CDHR2: variants seen among roughly 807,000 people sequenced by gnomAD.
The protein encoded by CDHR2 is cadherin related family member 2.
Under a neutral mutation model 138.6 loss-of-function variants are expected in CDHR2, and 104 were observed. That is an observed-to-expected ratio of 0.75 (90% CI 0.64 to 0.88). CDHR2 has a LOEUF of 0.88. Ranked by LOEUF, CDHR2 falls within the 40% of genes least tolerant of loss-of-function variation. The pLI, the probability that CDHR2 is intolerant of heterozygous loss-of-function variation, is 0.00. For synonymous variants in CDHR2, 755 were observed against 742.8 expected (o/e 1.02, Z -0.27); for missense variants, 1,624 against 1,727.6 (o/e 0.94, Z 1.06).
At chr5:176,578,725 T>G in intron 16 of CDHR2, 117 bp downstream of exon 16, 1 of 1,372,404 alleles carries the variant, frequency 7.3e-7, no homozygotes, top group Non-Finnish European at 9.9e-7. Flanking sequence ...AGACAGTCAC[T>G]CAGAGTCTCT....
intron 3 of CDHR2, chr5:176,566,984 G>A (rs1206447285): frequency 8.8e-6 from 4 of 456,154 alleles, no homozygotes; most frequent in Non-Finnish European, 1.8e-5. Context: ...GCTGCCAGAT[G>A]AAACAAGAGA....
chr5:176,592,811 G>A, intron 31 of CDHR2, 31 bp downstream of exon 31: 1 of 1,603,078 alleles, frequency 6.2e-7, no homozygotes, highest in Non-Finnish European at 8.5e-7. Flanking sequence ...GTGCCTGGAG[G>A]TTCCAACTTG....
rs780441732 is a variant in CDHR2, at chr5:176,577,687, C to G, written c.1401C>G (p.Thr467=). ...VSQNFSVAMV[T]IHLRDINDHR... ...AGAACTTCTCCGTCGCCATGGTGAC[C>G]ATCCACCTTAGAGACATTAATGACC... Residue 467 remains threonine, a synonymous_variant, in exon 14 of 32, where the codon ACC becomes ACG. Transcript: ENST00000261944. 4 of 1,614,230 alleles carry G rather than the reference C, an allele frequency of 2.5e-6. No individual in the cohort carries two copies. The South Asian group carries it at 4.4e-5, about 18-fold the overall frequency.
intron 31 of CDHR2, 73 bp from the exon 32 acceptor site, chr5:176,595,459 C>A: frequency 7.0e-7 from 1 of 1,433,192 alleles, no homozygotes; most frequent in Non-Finnish European, 9.2e-7. Context: ...TGAAGCCCAT[C>A]CACTCCCCTA....
Position 176,584,639 on chromosome 5 carries a change from G to C in CDHR2, c.2358G>C (p.Gln786His), listed in dbSNP as rs767884675. ...TGAGTGCTGAGAACCCAGACCCCCA[G>C]GGGGGTGAGACCATAGTAGACGTCT... is the stretch of plus-strand genomic sequence containing the variant. ...LTVSAENPDP[Q>H]GGETIVDVCV... The change falls in exon 19 of 32, where the codon CAG (glutamine) becomes CAC (histidine). Residue 786 changes from glutamine (Q) to histidine (H), a missense_variant. Physicochemically the swap from Gln to His is conservative, Grantham distance 24. Around this residue, in one of 3 missense-constraint regions of CDHR2, gnomAD observed 1,061 missense variants for 1,136.6 expected, o/e 0.93. Coordinates refer to ENST00000261944, the MANE Select transcript of CDHR2 (RefSeq NM_017675.6). 3.5e-5 allele frequency: 56 copies of C among 1,611,272 alleles called. No homozygotes were observed. The highest frequency in any genetic ancestry group is 4.6e-5 in the Non-Finnish European group (54 of 1,178,002).
chr5:176,579,262 G>A (rs1013608023), intron 16 of CDHR2, among the ~76,000 whole-genome samples: 4 of 152,224 alleles, frequency 2.6e-5, no homozygotes, highest in Non-Finnish European at 4.4e-5. Context: ...GAGCCCTCCC[G>A]TCTTTCCAGG....
chr5:176,591,326 G>A lies in CDHR2; in HGVS notation c.3653+3G>A. On this transcript the variant is annotated splice_donor_region_variant and intron_variant, in intron 29 of 31. Coordinates refer to ENST00000261944, the MANE Select transcript of CDHR2 (RefSeq NM_017675.6). Reference sequence around the variant, plus strand: ...ACTAACATGTACAACACTGAGCGGTGAGCAGGGGTCAAAGGGTAGGTAAGA... The same window carrying A: ...ACTAACATGTACAACACTGAGCGGTAAGCAGGGGTCAAAGGGTAGGTAAGA... 1.9e-6 allele frequency: 3 copies of A among 1,612,932 alleles called. No individual in the cohort carries two copies. Among genetic ancestry groups the A allele is most frequent in the South Asian group, 2.2e-5 (2 of 91,034 alleles).
chr5:176,558,469 C>T (rs1269088032), intron 1 of CDHR2, among the ~76,000 whole-genome samples: 1 of 149,968 alleles, frequency 6.7e-6, no homozygotes, highest in Non-Finnish European at 1.5e-5. Flanking sequence ...CTGCAACCTC[C>T]GCCTCCCAGG....
chr5:176,591,516 G>A, intron 30 of CDHR2, 32 bp downstream of exon 30: 1 of 1,513,412 alleles, frequency 6.6e-7, no homozygotes, highest in Non-Finnish European at 9.2e-7. Context: ...CAGGCTAGGT[G>A]GTGGTGGTGG....
chr5:176,550,689 G>A (rs905054166), intron 1 of CDHR2, among the ~76,000 whole-genome samples: 5 of 152,204 alleles, frequency 3.3e-5, no homozygotes, highest in Non-Finnish European at 7.4e-5. Flanking sequence ...TAGCGGTGGC[G>A]GTGCTGGGGG....
intron 7 of CDHR2, among the ~76,000 whole-genome samples, chr5:176,574,626 G>T (rs1758320849): frequency 6.6e-6 from 1 of 152,168 alleles, no homozygotes; most frequent in African/African-American, 2.4e-5. Flanking sequence ...GGTAGTATTT[G>T]CATGTAACCT....
intron 1 of CDHR2, among the ~76,000 whole-genome samples, chr5:176,550,683 G>A (rs1012985539): frequency 1.3e-5 from 2 of 152,206 alleles, no homozygotes; most frequent in African/African-American, 2.4e-5. Context: ...GCCGTGTAGC[G>A]GTGGCGGTGC....
intron 16 of CDHR2, among the ~76,000 whole-genome samples, chr5:176,581,008 TC>T (rs199692850): frequency 0.091 from 13,810 of 152,166 alleles, 806 homozygotes; most frequent in East Asian, 0.17. Context: ...TGCCCCCATA[TC>T]CCCCTTCCTG....
At chr5:176,557,538 C>T (rs114366130) in intron 1 of CDHR2, among the ~76,000 whole-genome samples, 2,187 of 143,316 alleles carry the variant, frequency 0.015, 50 homozygotes, top group African/African-American at 0.053. Flanking sequence ...TGTTTATTTC[C>T]TTTTTATTAT....
Position 176,589,044 on chromosome 5 carries a change from A to G in CDHR2, c.2870A>G (p.Asp957Gly). 3 of 1,614,014 alleles carry G rather than the reference A, an allele frequency of 1.9e-6. No individual in the cohort carries two copies. Among genetic ancestry groups the G allele is most frequent in the Non-Finnish European group, 2.5e-6 (3 of 1,179,974 alleles). The change falls in exon 22 of 32, where the codon GAT becomes GGT. Residue 957 changes from aspartate to glycine, a missense_variant. Coordinates refer to ENST00000261944, the MANE Select transcript of CDHR2 (RefSeq NM_017675.6). ...EVASVRARDD[D>G]SGNNGVILFS... ...TCTTGCTCCCAGGCCAGAGACGATG[A>G]TTCAGGGAACAATGGCGTCATCCTG...
intron 1 of CDHR2, among the ~76,000 whole-genome samples, chr5:176,558,308 C>T (rs535682686): frequency 1.0e-3 from 153 of 151,126 alleles, no homozygotes; most frequent in African/African-American, 3.4e-3. Context: ...CTCCGTCTCC[C>T]GGGTTCACAC....
chr5:176,588,328 G>A (rs1473971427), intron 21 of CDHR2, among the ~76,000 whole-genome samples: 3 of 151,822 alleles, frequency 2.0e-5, no homozygotes, highest in Middle Eastern at 3.2e-3. Context: ...GTGTGTGACT[G>A]TGCAAGTGTG....
intron 24 of CDHR2, 84 bp downstream of exon 24, chr5:176,589,700 T>G (rs1416785328): frequency 8.5e-7 from 1 of 1,173,330 alleles, no homozygotes; most frequent in Non-Finnish European, 1.3e-6. Context: ...ATGGGATGTC[T>G]CTCAATCCTG....
At chr5:176,548,661 T>C (rs1249957471), upstream of CDHR2, among the ~76,000 whole-genome samples, 3 of 152,122 alleles carry the variant, frequency 2.0e-5, no homozygotes, top group Admixed American at 2.0e-4. Context: ...GAGAATTGCT[T>C]GAACCCAGGA....
Sources: allele counts gnomAD v4.1 joint callset (sites outside exome capture counted in the v4.1 genomes callset), GRCh38; gene constraint gnomAD v4.1.1; regional missense constraint gnomAD v4.1.1; transcripts MANE v1.5; gene names NCBI Gene and HGNC (gene_info 2026-07-23, HGNC 2026-07-21).